The following TPRG1 variants were observed in gnomAD, a reference collection of about 807,000 sequenced individuals.
The protein encoded by TPRG1 is tumor protein p63-regulated gene 1 protein.
TPRG1 carries 29 observed loss-of-function variants against 29.3 expected under a neutral mutation model. That is an observed-to-expected ratio of 0.99 (90% CI 0.74 to 1.35). The LOEUF (loss-of-function observed/expected upper bound fraction) is 1.35. Ranked by LOEUF, TPRG1 falls within the 40% of genes most tolerant of loss-of-function variation. The pLI, the probability that TPRG1 is intolerant of heterozygous loss-of-function variation, is 0.00. For missense variants in TPRG1, 327 were observed against 335.0 expected, an observed-to-expected ratio of 0.98 and a Z score of 0.19; for synonymous variants, 130 against 116.8, an observed-to-expected ratio of 1.11 and a Z score of -0.73.
intron 1 of TPRG1, among the ~76,000 whole-genome samples, chr3:189,173,142 A>G (rs890052850): frequency 6.6e-6 from 1 of 151,924 alleles, no homozygotes; most frequent in Non-Finnish European, 1.5e-5. Context: ...TTCATGCTCA[A>G]AAGGTTATAT....
intron 1 of TPRG1, among the ~76,000 whole-genome samples, chr3:189,122,230 T>A (rs1380025572): frequency 6.6e-6 from 1 of 152,192 alleles, no homozygotes. Context: ...ATATTTCTCA[T>A]TAGGTAGATT....
intron 1 of TPRG1, among the ~76,000 whole-genome samples, chr3:189,202,830 C>G (rs1209785737): frequency 6.6e-6 from 1 of 152,106 alleles, no homozygotes; most frequent in East Asian, 1.9e-4. Flanking sequence ...TCATGGAAGC[C>G]GTATCTCTCA....
intron 5 of TPRG1, among the ~76,000 whole-genome samples, chr3:189,159,809 G>T (rs1727212104): frequency 1.3e-5 from 2 of 150,076 alleles, no homozygotes; most frequent in Admixed American, 1.3e-4. Flanking sequence ...AGGTTTTTGA[G>T]GTAGATAATG....
chr3:189,061,788 CAG>C (rs1262938585), intron 4 of TPRG1, among the ~76,000 whole-genome samples: 1 of 151,862 alleles, frequency 6.6e-6, no homozygotes, highest in African/African-American at 2.4e-5. Context: ...CAAAAAGTAA[CAG>C]ATGATAGTAA....
chr3:189,039,067 G>GTA (rs1385546292), intron 4 of TPRG1, among the ~76,000 whole-genome samples: 1 of 152,206 alleles, frequency 6.6e-6, no homozygotes, highest in Non-Finnish European at 1.5e-5. Flanking sequence ...GGAAGTATAT[G>GTA]TATATATATA....
chr3:189,272,856 T>G (rs1715467957), intron 4 of TPRG1, among the ~76,000 whole-genome samples: 2 of 151,974 alleles, frequency 1.3e-5, no homozygotes. Flanking sequence ...GATAGACATT[T>G]ATAAAGTACT....
chr3:189,006,531 G>A (rs1370105502), intron 3 of TPRG1, among the ~76,000 whole-genome samples: 1 of 152,038 alleles, frequency 6.6e-6, no homozygotes, highest in Non-Finnish European at 1.5e-5. Flanking sequence ...GCTCTCCTCT[G>A]GCAGGCAGAT....
chr3:189,217,501 C>T (rs1189758004), intron 3 of TPRG1, among the ~76,000 whole-genome samples: 3 of 152,152 alleles, frequency 2.0e-5, no homozygotes, highest in African/African-American at 2.4e-5. Flanking sequence ...CCCTTTAAAT[C>T]GTAGTTCCTT....
At chr3:189,006,381 A>G (rs1712287230) in intron 3 of TPRG1, among the ~76,000 whole-genome samples, 1 of 152,176 alleles carries the variant, frequency 6.6e-6, no homozygotes, top group South Asian at 2.1e-4. Flanking sequence ...GGAAAGTGAT[A>G]AATGATGCAA....
intron 3 of TPRG1, among the ~76,000 whole-genome samples, chr3:189,235,845 A>G (rs192859842): frequency 2.6e-5 from 4 of 152,290 alleles, no homozygotes; most frequent in East Asian, 1.9e-4. Context: ...GGATCTGTAG[A>G]CCTTAGTTTG....
chr3:189,258,937 G>T (rs1434831382), intron 4 of TPRG1, among the ~76,000 whole-genome samples: 6 of 152,190 alleles, frequency 3.9e-5, no homozygotes, highest in African/African-American at 1.4e-4. Flanking sequence ...AGCTTGCTGG[G>T]CTCCATGCGG....
rs374649245 is a variant in TPRG1, at chr3:189,038,976, C to T, written c.-463+15030C>T. Among the ~76,000 whole-genome samples the T allele has an allele frequency of 3.9e-5, 6 of 152,228 alleles. No individual in the cohort carries two copies. In the East Asian group the frequency reaches 5.8e-4, roughly 15 times the overall value. The stretch of plus-strand genomic sequence containing the variant: ...GAAAGTCAGATGGTATCATTGTTGG[C>T]ACAGATGTGAAAAAATGAGAATCCT... On this transcript the variant is annotated intron_variant, in intron 4 of 10. Coordinates refer to the TPRG1 transcript ENST00000433971.
At chr3:189,022,756 C>G (rs2152125299) in intron 3 of TPRG1, among the ~76,000 whole-genome samples, 1 of 152,348 alleles carries the variant, frequency 6.6e-6, no homozygotes, top group East Asian at 1.9e-4. Context: ...CAGGCTCCAC[C>G]CAGTTGGAAC....
In TPRG1 at chr3:189,277,656, A is replaced by G. The variant is rs114894398; in HGVS notation, c.480-32730A>G. ...AGTGCTGAAAGTCAATTAATTAATTAGAAAGATAATTGTTGGAATTATGTA... is the reference window on the plus strand; with the variant it reads ...AGTGCTGAAAGTCAATTAATTAATTGGAAAGATAATTGTTGGAATTATGTA... On this transcript the variant is annotated intron_variant, in intron 4 of 5. Transcript: ENST00000345063. Among the ~76,000 whole-genome samples the G allele has an allele frequency of 7.6e-3, 1,163 of 152,342 alleles. 17 individuals carry two copies. Among genetic ancestry groups the G allele is most frequent in the African/African-American group, 0.027 (1,122 of 41,578 alleles).
At chr3:189,260,579 C>A (rs1291310882) in intron 4 of TPRG1, among the ~76,000 whole-genome samples, 1 of 152,156 alleles carries the variant, frequency 6.6e-6, no homozygotes, top group Non-Finnish European at 1.5e-5. Context: ...CATTGATATG[C>A]CAACAAAAGC....
intron 1 of TPRG1, among the ~76,000 whole-genome samples, chr3:189,174,119 A>G (rs987969302): frequency 9.2e-5 from 14 of 152,204 alleles, no homozygotes; most frequent in African/African-American, 3.1e-4. Flanking sequence ...TTGAAGTGAT[A>G]GTTGATATTT....
chr3:189,056,021 TTCCC>T (rs1371645255), intron 4 of TPRG1, among the ~76,000 whole-genome samples: 1,958 of 100,202 alleles, frequency 0.02, 100 homozygotes, highest in African/African-American at 0.055. Context: ...CCTCCCTCCC[TTCCC>T]TCCCTCCCTT....
chr3:189,317,586 T>C (rs146135826), intron 5 of TPRG1, among the ~76,000 whole-genome samples: 60 of 152,316 alleles, frequency 3.9e-4, no homozygotes, highest in Admixed American at 5.9e-4. Context: ...AGAGGTTGGA[T>C]AACTTGCCCA....
chr3:189,099,436 G>A (rs1578347540), upstream of TPRG1, among the ~76,000 whole-genome samples: 1 of 152,150 alleles, frequency 6.6e-6, no homozygotes, highest in Admixed American at 6.5e-5. Context: ...GAGCGGTGGT[G>A]TGAGAGTGGG....
Sources: gnomAD v4.1 joint callset for allele counts (sites outside exome capture counted in the v4.1 genomes callset) on GRCh38, gnomAD v4.1.1 for gene constraint, MANE v1.5 for transcripts, NCBI Gene and HGNC (gene_info 2026-07-23, HGNC 2026-07-21) for gene names.